BRSK2: variants seen among roughly 807,000 people sequenced by gnomAD.
BRSK2 encodes the protein BR serine/threonine kinase 2.
BRSK2 carries 19 observed loss-of-function variants against 83.3 expected under a neutral mutation model. The observed-to-expected ratio is 0.23, with a 90% CI of 0.16 to 0.33. The LOEUF (loss-of-function observed/expected upper bound fraction) is 0.33, where lower values mean the gene tolerates loss of function less well. BRSK2 is among the 10% of genes least tolerant of loss of function. BRSK2 has a pLI of 1.00. For synonymous variants in BRSK2, 519 were observed against 435.4 expected (o/e 1.19, Z -2.39); for missense variants, 798 against 1,042.3 (o/e 0.77, Z 3.23).
At chr11:1,442,722 G>GC in intron 5 of BRSK2, 116 bp downstream of exon 5, 1 of 834,806 alleles carries the variant, frequency 1.2e-6, no homozygotes, top group Non-Finnish European at 1.9e-6. Context: ...CCACAGGCAG[G>GC]CCCCCCACAA....
intron 1 of BRSK2, among the ~76,000 whole-genome samples, chr11:1,408,731 A>G (rs1331183079): frequency 1.3e-5 from 2 of 149,330 alleles, no homozygotes; most frequent in East Asian, 3.9e-4. Context: ...CTGCCTGTGC[A>G]GGGGTATGTG....
At chr11:1,457,515 G>C (rs1380616408) in intron 18 of BRSK2, among the ~76,000 whole-genome samples, 4 of 152,196 alleles carry the variant, frequency 2.6e-5, no homozygotes, top group Non-Finnish European at 5.9e-5. Flanking sequence ...GGGCCCATGT[G>C]TGGTGGGGGC....
At chr11:1,458,338 C>G (rs536336048) in intron 18 of BRSK2, among the ~76,000 whole-genome samples, 2 of 152,272 alleles carry the variant, frequency 1.3e-5, no homozygotes, top group East Asian at 3.9e-4. Context: ...GGACCCTGAC[C>G]TCAGTGGAGC....
At chr11:1,397,560 CT>C (rs1846207027) in intron 1 of BRSK2, among the ~76,000 whole-genome samples, 1 of 152,260 alleles carries the variant, frequency 6.6e-6, no homozygotes, top group Non-Finnish European at 1.5e-5. Context: ...CCCTACGCTG[CT>C]TTGCCCCAGG....
At chr11:1,416,637 T>C (rs1848124663) in intron 1 of BRSK2, among the ~76,000 whole-genome samples, 1 of 152,226 alleles carries the variant, frequency 6.6e-6, no homozygotes, top group Non-Finnish European at 1.5e-5. Context: ...TGCTACACCA[T>C]GGTCCTCTGC....
rs1374757751 is a variant in BRSK2, at chr11:1,423,805, G to T, written c.92-12235G>T. 2.0e-5 allele frequency among the ~76,000 whole-genome samples: 3 copies of T among 150,932 alleles called. No homozygotes were observed. The highest frequency in any genetic ancestry group is 4.4e-5 in the Non-Finnish European group (3 of 67,746). ...GTTCCGGGTGCCCCAGGCCTCCCCCGCTGGGCGTTCCGGGTGCCCCAGGCC... is the reference window on the plus strand; with the variant it reads ...GTTCCGGGTGCCCCAGGCCTCCCCCTCTGGGCGTTCCGGGTGCCCCAGGCC... On this transcript the variant is annotated intron_variant, in intron 1 of 19. Transcript: ENST00000528841. This position sits in a 1 kb window ranked among gnomAD's most constrained non-coding sequence, Gnocchi z 6.5.
At position 1,411,728 on chromosome 11, in the gene BRSK2, T is replaced by TCGCCAG; in HGVS notation, c.91+21355_91+21360dup. On this transcript the variant is annotated intron_variant, in intron 1 of 19. Transcript: ENST00000528841. ...GCCCCCACGGCAGGGACGGGGGACCTCGCCAGCACTGGTGGGCTGCACCTG... is the reference window on the plus strand; with the variant it reads ...GCCCCCACGGCAGGGACGGGGGACCTCGCCAGCGCCAGCACTGGTGGGCTGCACCTG... The TCGCCAG allele has an allele frequency of 2.7e-6, 4 of 1,491,142 alleles. No homozygotes were observed. In the East Asian group the frequency reaches 1.0e-4, roughly 37 times the overall value. The allele number at this position is 1,491,142 out of a possible 1,614,324, so 92.4% of individuals were successfully genotyped here. A position where few individuals can be genotyped will look rare whatever the true frequency, so the allele number is the denominator to read the frequency against.
intron 2 of BRSK2, among the ~76,000 whole-genome samples, chr11:1,437,777 ACTGGCTGGG>A (rs1850531055): frequency 6.6e-6 from 1 of 152,134 alleles, no homozygotes; most frequent in African/African-American, 2.4e-5. Flanking sequence ...CCTGCATCCG[ACTGGCTGGG>A]AGCCTGGGAG....
At chr11:1,404,517 G>A (rs952956795) in intron 1 of BRSK2, among the ~76,000 whole-genome samples, 1 of 152,218 alleles carries the variant, frequency 6.6e-6, no homozygotes, top group Non-Finnish European at 1.5e-5. Flanking sequence ...GTTGGGGTGG[G>A]GAAAGGTCCT....
At chr11:1,436,654 C>G (rs1307375995) in intron 2 of BRSK2, among the ~76,000 whole-genome samples, 1 of 152,076 alleles carries the variant, frequency 6.6e-6, no homozygotes, top group Non-Finnish European at 1.5e-5. Context: ...GAGGGGGCGG[C>G]CCCGGCTGCT....
chr11:1,439,256 C>A (rs1480005262), intron 3 of BRSK2, among the ~76,000 whole-genome samples: 2 of 152,052 alleles, frequency 1.3e-5, no homozygotes, highest in East Asian at 3.9e-4. Context: ...GCAGCAACGT[C>A]CACGCTTGCT....
At chr11:1,436,250 G>GGGGGGGGGGGGGGGGGGCCCCCCCCC in intron 2 of BRSK2, 116 bp downstream of exon 2, 2 of 168,872 alleles carry the variant, frequency 1.2e-5, no homozygotes, top group Non-Finnish European at 9.5e-6. Flanking sequence ...GGGGGGGCGG[G>GGGGGGGGGGGGGGGGGGCCCCCCCCC]CCCTGCAGGC....
intron 1 of BRSK2, chr11:1,411,453 T>C: frequency 6.8e-7 from 1 of 1,469,610 alleles, no homozygotes; most frequent in Non-Finnish European, 8.9e-7. Context: ...CCGCCGGCCC[T>C]GCATCTGTCC....
At chr11:1,428,167 T>C (rs1189730204) in intron 1 of BRSK2, among the ~76,000 whole-genome samples, 1 of 152,108 alleles carries the variant, frequency 6.6e-6, no homozygotes, top group East Asian at 1.9e-4. Flanking sequence ...CATCCCAGCC[T>C]GCTGCGTCGT....
intron 15 of BRSK2, among the ~76,000 whole-genome samples, chr11:1,453,085 G>T (rs144004061): frequency 6.4e-4 from 98 of 152,314 alleles, no homozygotes; most frequent in Non-Finnish European, 1.0e-3. Flanking sequence ...CAGGAAGACC[G>T]AACCTGGCGG....
chr11:1,453,640 G>A (rs920501339), intron 15 of BRSK2, among the ~76,000 whole-genome samples: 2 of 152,254 alleles, frequency 1.3e-5, no homozygotes, highest in African/African-American at 2.4e-5. Flanking sequence ...CACAGTGGCC[G>A]AGGAGGCAGC....
At chr11:1,398,882 G>C (rs1396207088) in intron 1 of BRSK2, among the ~76,000 whole-genome samples, 1 of 152,242 alleles carries the variant, frequency 6.6e-6, no homozygotes, top group Non-Finnish European at 1.5e-5. Context: ...GGAGCCTGGA[G>C]CCCCCCCAGC....
chr11:1,450,581 A>G lies in BRSK2; in HGVS notation c.1288-6A>G, dbSNP rs745805956. The G allele has an allele frequency of 1.3e-6, 2 of 1,535,018 alleles. No homozygotes were observed. The highest frequency in any genetic ancestry group is 1.2e-5 in the South Asian group (1 of 84,934). On this transcript the variant is annotated splice_polypyrimidine_tract_variant and splice_region_variant and intron_variant, in intron 13 of 19. Transcript: ENST00000528841. Reference sequence around the variant, plus strand: ...ACCAAACACCAAATCTGTCCCCACCATACAGGTGACCCCTCACCCCTCACC... The same window carrying G: ...ACCAAACACCAAATCTGTCCCCACCGTACAGGTGACCCCTCACCCCTCACC...
intron 1 of BRSK2, among the ~76,000 whole-genome samples, chr11:1,404,250 C>G (rs2134066530): frequency 6.6e-6 from 1 of 152,302 alleles, no homozygotes; most frequent in South Asian, 2.1e-4. Context: ...GTGTCCCTGC[C>G]CAGGGCCTCA....
Sources: allele counts gnomAD v4.1 joint callset (sites outside exome capture counted in the v4.1 genomes callset), GRCh38; gene constraint gnomAD v4.1.1; non-coding constraint Gnocchi (gnomAD v3.1); transcripts MANE v1.5; gene names NCBI Gene and HGNC (gene_info 2026-07-23, HGNC 2026-07-21).